Variants in RSF1 observed in about 807,000 individuals in gnomAD.
RSF1 encodes the protein remodeling and spacing factor 1, also known as HBV pX-associated protein 8.
RSF1 carries 13 observed loss-of-function variants against 145.2 expected under a neutral mutation model. The ratio of observed to expected loss-of-function variants is 0.09; its 90% CI spans 0.06 to 0.14. The LOEUF is 0.14. RSF1 is among the 10% of genes least tolerant of loss of function. The pLI is 1.00. For synonymous variants in RSF1, 577 were observed against 592.6 expected (o/e 0.97, Z 0.38); for missense variants, 1,517 against 1,718.2 (o/e 0.88, Z 2.07).
At chr11:77,792,558 A>T (rs1411545555) in intron 1 of RSF1, among the ~76,000 whole-genome samples, 1 of 152,200 alleles carries the variant, frequency 6.6e-6, no homozygotes, top group Admixed American at 6.5e-5. Context: ...AGTCCCCAGG[A>T]ACACTTCACC....
At chr11:77,797,812 A>C (rs1380513795) in intron 1 of RSF1, among the ~76,000 whole-genome samples, 1 of 149,496 alleles carries the variant, frequency 6.7e-6, no homozygotes, top group Admixed American at 6.7e-5. Context: ...AAACAAATTT[A>C]CAAGAAAAAA....
upstream of RSF1, among the ~76,000 whole-genome samples, chr11:77,823,698 A>C (rs1437560844): frequency 2.0e-5 from 3 of 152,016 alleles, no homozygotes; most frequent in African/African-American, 7.2e-5. Flanking sequence ...ACATACAAAG[A>C]CTTTCATATA....
chr11:77,784,526 G>C (rs1948435480), intron 1 of RSF1, among the ~76,000 whole-genome samples: 1 of 151,878 alleles, frequency 6.6e-6, no homozygotes. Context: ...TCTCAGCACA[G>C]CTAGTAATTT....
chr11:77,774,859 C>T (rs1372935035), intron 1 of RSF1, among the ~76,000 whole-genome samples: 9 of 150,462 alleles, frequency 6.0e-5, no homozygotes, highest in Non-Finnish European at 8.9e-5. Context: ...CTCTGCTTCC[C>T]GGGTTCCAGT....
chr11:77,752,106 G>T (rs1357319612), intron 2 of RSF1, among the ~76,000 whole-genome samples: 1 of 152,092 alleles, frequency 6.6e-6, no homozygotes, highest in Non-Finnish European at 1.5e-5. Context: ...AGACAGCGAG[G>T]GCAAAAGTCC....
At chr11:77,774,613 T>TA (rs1419384882) in intron 1 of RSF1, among the ~76,000 whole-genome samples, 2 of 126,550 alleles carry the variant, frequency 1.6e-5, no homozygotes, top group Non-Finnish European at 3.4e-5. Context: ...AATAAATAAA[T>TA]AAATAAAATA....
chr11:77,753,526 GACGGTTTTA>G lies in RSF1; in HGVS notation c.280-6407_280-6399del, dbSNP rs376087593. On this transcript the variant is annotated intron_variant, in intron 2 of 15. Transcript: ENST00000308488. ...TTGTCCAACGCGTGGCCCACAACAG[GACGGTTTTA>G]AATGAGGCCCAATACAAATCTGTAA... is the stretch of plus-strand genomic sequence containing the variant. Among the ~76,000 whole-genome samples the G allele has an allele frequency of 5.0e-3, 756 of 152,274 alleles. 9 individuals carry two copies. The highest frequency in any genetic ancestry group is 0.017 in the African/African-American group (711 of 41,546).
At chr11:77,744,634 T>A (rs1291965742) in intron 3 of RSF1, among the ~76,000 whole-genome samples, 1 of 152,240 alleles carries the variant, frequency 6.6e-6, no homozygotes, top group African/African-American at 2.4e-5. Flanking sequence ...TTGCATAGGA[T>A]GAACAATCCT....
Position 77,701,658 on chromosome 11 carries a change from C to T in RSF1, c.1571G>A (p.Ser524Asn). The T allele has an allele frequency of 6.2e-7, 1 of 1,614,010 alleles. No homozygotes were observed. The highest frequency in any genetic ancestry group is 8.5e-7 in the Non-Finnish European group (1 of 1,179,996). The change falls in exon 6 of 16, where the codon AGT (serine) becomes AAT (asparagine). Residue 524 changes from serine to asparagine, a missense_variant. Physicochemically the swap from Ser to Asn is conservative, Grantham distance 46. This residue lies in a region of RSF1 where 579 missense variants were observed against 553.5 expected (regional missense o/e 1.05). Coordinates refer to ENST00000308488, the MANE Select transcript of RSF1 (RefSeq NM_016578.4). ...DSSISVLEIHSQKAQIEEPDP... is the reference protein window; with the variant it reads ...DSSISVLEIHNQKAQIEEPDP... ...GGGTTCCTCTATTTGTGCTTTTTGA[C>T]TATGGATCTCTAAGACTGATATTGA...
chr11:77,700,843 C>T lies in RSF1; in HGVS notation c.2386G>A (p.Ala796Thr). 1 of 1,613,472 alleles carries T rather than the reference C, an allele frequency of 6.2e-7. No individual in the cohort carries two copies. Among genetic ancestry groups the T allele is most frequent in the African/African-American group, 1.3e-5 (1 of 75,004 alleles). The change falls in exon 6 of 16, where the codon GCT (alanine) becomes ACT (threonine). Residue 796 changes from alanine (A) to threonine (T), a missense_variant. This residue lies in a region of RSF1 where 579 missense variants were observed against 553.5 expected (regional missense o/e 1.05). Coordinates refer to ENST00000308488, the MANE Select transcript of RSF1 (RefSeq NM_016578.4). The stretch of plus-strand genomic sequence containing the variant: ...TCTCCTTCCCCTCTTTTTTTATCAG[C>T]TTTCTGATCTCTGATCTCAGCCACT... ...AKVAEIRDQK[A>T]DKKRGEGEDE... is the part of the protein sequence containing the mutation.
chr11:77,691,279 T>G (rs771452461), intron 8 of RSF1, 41 bp from the exon 9 acceptor site: 1 of 1,566,446 alleles, frequency 6.4e-7, no homozygotes, highest in Non-Finnish European at 8.8e-7. Flanking sequence ...TAAACAACTT[T>G]TAGCAATCAT....
At chr11:77,689,713 T>G (rs1216788962) in intron 9 of RSF1, among the ~76,000 whole-genome samples, 1 of 152,248 alleles carries the variant, frequency 6.6e-6, no homozygotes, top group African/African-American at 2.4e-5. Context: ...AGCTTTGTTT[T>G]TGATCTTTCC....
At chr11:77,839,277 T>C in the RSF1 span, among the ~76,000 whole-genome samples, 1 of 152,174 alleles carries the variant, frequency 6.6e-6, no homozygotes, top group South Asian at 2.1e-4. Context: ...TAGCTAGCAC[T>C]ATAGGTGCAA....
chr11:77,667,384 C>G lies in RSF1; in HGVS notation c.3859G>C (p.Glu1287Gln). The G allele has an allele frequency of 6.2e-7, 1 of 1,614,100 alleles. No homozygotes were observed. Among genetic ancestry groups the G allele is most frequent in the Non-Finnish European group, 8.5e-7 (1 of 1,180,032 alleles). The change falls in exon 16 of 16, where the codon GAG becomes CAG. Residue 1287 changes from glutamate to glutamine, a missense_variant. This residue lies in a region of RSF1 where 240 missense variants were observed against 231.8 expected (regional missense o/e 1.04). Transcript: ENST00000308488. ...GGTTTGCCTTCCTCTTCCTCCTCCT[C>G]CTCATCTGCTTCTGAATACTCGTCT... Reference protein sequence around the residue: ...STDEYSEADEEEEEEEGKPSR... With the variant: ...STDEYSEADEQEEEEEGKPSR...
At chr11:77,764,538 T>C in intron 2 of RSF1, 60 bp downstream of exon 2, 1 of 949,290 alleles carries the variant, frequency 1.1e-6, no homozygotes, top group Non-Finnish European at 1.7e-6. Flanking sequence ...AAACATAATA[T>C]CAATTTATGC....
intron 7 of RSF1, among the ~76,000 whole-genome samples, chr11:77,696,133 T>C (rs1179605269): frequency 6.6e-6 from 1 of 152,216 alleles, no homozygotes; most frequent in Non-Finnish European, 1.5e-5. Context: ...AATCAATTTA[T>C]CACATAGTTT....
At chr11:77,830,102 T>C in the RSF1 span, 3 of 152,120 alleles carry the variant, frequency 2.0e-5, no homozygotes, top group Non-Finnish European at 2.9e-5. Context: ...GCACTCCAGC[T>C]TAGGCAACAG....
At chr11:77,811,769 G>C (rs1029935184) in intron 1 of RSF1, among the ~76,000 whole-genome samples, 5 of 152,144 alleles carry the variant, frequency 3.3e-5, no homozygotes, top group African/African-American at 1.2e-4. Context: ...ATATAACTTG[G>C]TATCAAAGAA....
chr11:77,734,872 A>C, intron 4 of RSF1: 1 of 1,582,088 alleles, frequency 6.3e-7, no homozygotes, highest in Middle Eastern at 1.7e-4. Flanking sequence ...GTATTTGGCA[A>C]AGTTCTTCAA....
Sources: gnomAD v4.1 joint callset for allele counts (sites outside exome capture counted in the v4.1 genomes callset) on GRCh38, gnomAD v4.1.1 for gene constraint, gnomAD v4.1.1 regional missense constraint, MANE v1.5 for transcripts, NCBI Gene and HGNC (gene_info 2026-07-23, HGNC 2026-07-21) for gene names.